The following MYCT1 variants were observed in gnomAD, a reference collection of about 807,000 sequenced individuals.
MYCT1 encodes MYC target 1.
In MYCT1, 12 loss-of-function variants were observed where a neutral mutation model predicts 15.0. The ratio of observed to expected loss-of-function variants is 0.80; its 90% CI spans 0.51 to 1.29. The LOEUF (loss-of-function observed/expected upper bound fraction) is 1.29, where lower values mean the gene tolerates loss of function less well. MYCT1 is among the 50% of genes most tolerant of loss of function. MYCT1 has a pLI of 0.00. For missense variants in MYCT1, 287 were observed against 279.1 expected, an observed-to-expected ratio of 1.03 and a Z score of -0.20; for synonymous variants, 104 against 102.7, an observed-to-expected ratio of 1.01 and a Z score of -0.07.
At chr6:152,746,741 T>C in the MYCT1 span, among the ~76,000 whole-genome samples, 1 of 152,236 alleles carries the variant, frequency 6.6e-6, no homozygotes, top group East Asian at 1.9e-4. Flanking sequence ...CAGGAAATCG[T>C]CTGATACATA....
chr6:152,714,305 CTTTTTTTTT>C (rs5880998), intron 1 of MYCT1, among the ~76,000 whole-genome samples: 1 of 120,034 alleles, frequency 8.3e-6, no homozygotes, highest in African/African-American at 3.1e-5. Context: ...TTTTCTTTTT[CTTTTTTTTT>C]TTTTTTTGCC....
chr6:152,713,118 T>A (rs1473287701), intron 1 of MYCT1, among the ~76,000 whole-genome samples: 1 of 152,070 alleles, frequency 6.6e-6, no homozygotes, highest in Non-Finnish European at 1.5e-5. Context: ...ATTTTTCAAA[T>A]TGGATAAGTT....
At chr6:152,740,073 T>A in the MYCT1 span, among the ~76,000 whole-genome samples, 1 of 152,062 alleles carries the variant, frequency 6.6e-6, no homozygotes, top group Non-Finnish European at 1.5e-5. Flanking sequence ...TGCGATGGAG[T>A]TTCGCTCTTG....
intron 1 of MYCT1, 96 bp downstream of exon 1, chr6:152,698,194 G>A (rs1347541860): frequency 2.8e-5 from 19 of 684,426 alleles, no homozygotes; most frequent in Non-Finnish European, 4.3e-5. Flanking sequence ...GAGACATTTT[G>A]TTTACTATAA....
chr6:152,712,838 G>GT (rs928877356), intron 1 of MYCT1, among the ~76,000 whole-genome samples: 12 of 151,784 alleles, frequency 7.9e-5, no homozygotes, highest in African/African-American at 2.9e-4. Context: ...CTGTGTTCAA[G>GT]TTTTTTTTGT....
chr6:152,703,428 A>G (rs2099721675), intron 1 of MYCT1, among the ~76,000 whole-genome samples: 1 of 152,200 alleles, frequency 6.6e-6, no homozygotes, highest in African/African-American at 2.4e-5. Context: ...GAAGAATTCT[A>G]CAGTGAACAT....
intron 1 of MYCT1, among the ~76,000 whole-genome samples, chr6:152,704,723 G>A (rs994972020): frequency 1.3e-5 from 2 of 152,076 alleles, no homozygotes; most frequent in African/African-American, 4.8e-5. Flanking sequence ...AGGCTTTATT[G>A]AGGTATAATT....
At chr6:152,735,824 G>A in the MYCT1 span, among the ~76,000 whole-genome samples, 16 of 152,102 alleles carry the variant, frequency 1.1e-4, no homozygotes, top group South Asian at 3.1e-3. Flanking sequence ...CACTCAGGGT[G>A]GTATAGCCAT....
chr6:152,712,610 G>A (rs1255028104), intron 1 of MYCT1, among the ~76,000 whole-genome samples: 1 of 16,670 alleles, frequency 6.0e-5, no homozygotes, highest in Non-Finnish European at 2.0e-4. Flanking sequence ...CACCCTGGGA[G>A]CTGTAGACCG....
At chr6:152,728,021 A>C (rs190808166), downstream of MYCT1, among the ~76,000 whole-genome samples, 4 of 151,930 alleles carry the variant, frequency 2.6e-5, no homozygotes, top group Admixed American at 2.6e-4. Context: ...AAAATTAGCC[A>C]GGCGTGGTGG....
Position 152,722,826 on chromosome 6 carries a change from T to C in MYCT1, c.*573T>C, listed in dbSNP as rs1292971585. ...TGATCAGGACTCACTGCAGCCTCTA[T>C]CTCCCAGGCTCAAGTAATCCTCCCA... On this transcript the variant is annotated 3_prime_UTR_variant, in exon 2 of 2. Transcript: ENST00000367245. 2 of 329,084 alleles carry C rather than the reference T, an allele frequency of 6.1e-6. No homozygotes were observed. Among genetic ancestry groups the C allele is most frequent in the African/African-American group, 2.2e-5 (1 of 45,768 alleles). The allele number at this position is 329,084 out of a possible 1,614,324, so 20.4% of individuals were successfully genotyped here. A position where few individuals can be genotyped will look rare whatever the true frequency, so the allele number is the denominator to read the frequency against.
At chr6:152,712,809 A>G (rs936286773) in intron 1 of MYCT1, among the ~76,000 whole-genome samples, 1 of 151,990 alleles carries the variant, frequency 6.6e-6, no homozygotes, top group Non-Finnish European at 1.5e-5. Context: ...ATGTAATGTT[A>G]TTATTATTTG....
At chr6:152,707,751 C>A (rs145360456) in intron 1 of MYCT1, among the ~76,000 whole-genome samples, 17 of 152,078 alleles carry the variant, frequency 1.1e-4, no homozygotes, top group East Asian at 5.8e-4. Flanking sequence ...ATTGAAGAGG[C>A]AATAATTTCC....
intron 1 of MYCT1, among the ~76,000 whole-genome samples, chr6:152,714,428 T>C (rs1300011784): frequency 6.6e-6 from 1 of 151,450 alleles, no homozygotes; most frequent in African/African-American, 2.4e-5. Context: ...ACTGAAATAA[T>C]TGTTTTTGTA....
chr6:152,702,049 A>G (rs7774405), intron 1 of MYCT1, among the ~76,000 whole-genome samples: 60,589 of 151,838 alleles, frequency 0.4, 12,497 homozygotes, highest in East Asian at 0.62. Flanking sequence ...AGCTGGAAAT[A>G]AGTACCAGTT....
At chr6:152,745,740 G>A in the MYCT1 span, among the ~76,000 whole-genome samples, 8 of 152,234 alleles carry the variant, frequency 5.3e-5, no homozygotes, top group South Asian at 2.1e-4. Flanking sequence ...GGACACCCAC[G>A]CTGGCTCTTG....
At chr6:152,744,351 C>T in the MYCT1 span, among the ~76,000 whole-genome samples, 22 of 152,250 alleles carry the variant, frequency 1.4e-4, 1 homozygote, top group African/African-American at 5.1e-4. Context: ...AATTTTAAAA[C>T]ATGCAGGCCT....
At chr6:152,730,341 C>T in the MYCT1 span, among the ~76,000 whole-genome samples, 1 of 152,326 alleles carries the variant, frequency 6.6e-6, no homozygotes, top group East Asian at 1.9e-4. Context: ...TAGTCAACAA[C>T]TTGGCCATTG....
At chr6:152,719,964 AC>A (rs903500428) in intron 1 of MYCT1, among the ~76,000 whole-genome samples, 1 of 151,930 alleles carries the variant, frequency 6.6e-6, no homozygotes, top group Admixed American at 6.6e-5. Flanking sequence ...GTAACAATCC[AC>A]CCCCAAACAT....
Sources: allele counts gnomAD v4.1 joint callset (sites outside exome capture counted in the v4.1 genomes callset), GRCh38; gene constraint gnomAD v4.1.1; transcripts MANE v1.5; gene names NCBI Gene and HGNC (gene_info 2026-07-23, HGNC 2026-07-21).